The following RALGAPA1 variants were observed in gnomAD, a reference collection of about 807,000 sequenced individuals.
RALGAPA1 encodes the protein ral GTPase-activating protein subunit alpha-1.
In RALGAPA1, 52 loss-of-function variants were observed where a neutral mutation model predicts 269.6. The ratio of observed to expected loss-of-function variants is 0.19; its 90% CI spans 0.15 to 0.24. RALGAPA1 has a LOEUF of 0.24. Ranked by LOEUF, RALGAPA1 falls within the 10% of genes least tolerant of loss-of-function variation. The pLI, the probability that RALGAPA1 is intolerant of heterozygous loss-of-function variation, is 1.00. For missense variants in RALGAPA1, 1,917 were observed against 3,013.9 expected (o/e 0.64, Z 8.52); for synonymous variants, 817 against 1,008.3 (o/e 0.81, Z 3.60).
intron 35 of RALGAPA1, among the ~76,000 whole-genome samples, chr14:35,614,294 C>T (rs185010212): frequency 1.7e-3 from 264 of 152,194 alleles, no homozygotes; most frequent in African/African-American, 5.5e-3. Flanking sequence ...TATTCATATT[C>T]GCCCAAAAGT....
chr14:35,748,833 CAAA>C lies in RALGAPA1; in HGVS notation c.1012-12_1012-10del, dbSNP rs56861116. The C allele has an allele frequency of 1.4e-3, 1,845 of 1,292,078 alleles. No homozygotes were observed. The highest frequency in any genetic ancestry group is 5.7e-3 in the South Asian group (315 of 55,182). 80.0% of individuals were successfully genotyped at this position (1,292,078 alleles called of 1,614,324 possible). On this transcript the variant is annotated splice_polypyrimidine_tract_variant and intron_variant, in intron 9 of 41. Coordinates refer to ENST00000680220, the MANE Select transcript of RALGAPA1 (RefSeq NM_001346249.2). Reference sequence around the variant, plus strand: ...AAACTAGCAGCTGCTCTCTAAAATACAAAAAAAAAAAAAAAAGAGAGAAACAAT... The same window carrying C: ...AAACTAGCAGCTGCTCTCTAAAATACAAAAAAAAAAAAAGAGAGAAACAAT...
intron 26 of RALGAPA1, among the ~76,000 whole-genome samples, chr14:35,667,352 C>T (rs1160827926): frequency 1.3e-5 from 2 of 152,098 alleles, no homozygotes; most frequent in African/African-American, 2.4e-5. Flanking sequence ...GAGCTGAGAT[C>T]GTGCCACTGA....
Position 35,792,014 on chromosome 14 carries a change from T to A in RALGAPA1, c.107-16269A>T, listed in dbSNP as rs191704562. ...ATGTTATTACACTGCTTTGTTTTTT[T>A]ATATAATTCAACTACTTCAACACTT... On this transcript the variant is annotated intron_variant, in intron 1 of 41. Coordinates refer to ENST00000680220, the MANE Select transcript of RALGAPA1 (RefSeq NM_001346249.2). Among the ~76,000 whole-genome samples, 54 of 152,208 alleles carry A rather than the reference T, an allele frequency of 3.5e-4. No homozygotes were observed. The Middle Eastern group carries it at 0.021, about 58-fold the overall frequency.
intron 37 of RALGAPA1, among the ~76,000 whole-genome samples, chr14:35,590,994 G>C (rs1008166062): frequency 1.4e-4 from 21 of 152,176 alleles, no homozygotes; most frequent in Non-Finnish European, 2.8e-4. Context: ...AGAGGTAAAG[G>C]AGAAATGTTG....
chr14:35,672,718 C>G lies in RALGAPA1; in HGVS notation c.5073+149G>C, dbSNP rs1188154756. 2.3e-5 allele frequency: 16 copies of G among 707,512 alleles called. No individual in the cohort carries two copies. The East Asian group carries it at 5.9e-4, about 26-fold the overall frequency. 43.8% of individuals were successfully genotyped at this position (707,512 alleles called of 1,614,324 possible). On this transcript the variant is annotated intron_variant, in intron 25 of 41. Transcript: ENST00000680220. ...ACCATGTTTCAAGAACAAATAAGGT[C>G]ATAAAATTGAAGTAAATTGTATATA...
chr14:35,548,986 TTAAA>T (rs1409103854), intron 40 of RALGAPA1, 120 bp downstream of exon 40: 10 of 1,153,730 alleles, frequency 8.7e-6, no homozygotes, highest in Non-Finnish European at 1.2e-5. Context: ...AATTCAAATA[TTAAA>T]TAGTGATTAA....
At chr14:35,746,252 A>G (rs939157549) in intron 10 of RALGAPA1, among the ~76,000 whole-genome samples, 2 of 152,212 alleles carry the variant, frequency 1.3e-5, no homozygotes, top group Admixed American at 6.5e-5. Context: ...CTAAGGGCTG[A>G]GCAGCAGGCA....
chr14:35,667,572 T>C (rs2064049142), intron 26 of RALGAPA1, among the ~76,000 whole-genome samples: 1 of 152,120 alleles, frequency 6.6e-6, no homozygotes, highest in Non-Finnish European at 1.5e-5. Context: ...AGTAAGTAGG[T>C]CCAGGATGGG....
chr14:35,665,355 A>T (rs1288118584), intron 26 of RALGAPA1, among the ~76,000 whole-genome samples: 3 of 152,206 alleles, frequency 2.0e-5, no homozygotes, highest in Admixed American at 6.5e-5. Context: ...AAGTATCAAC[A>T]CTGAACATTT....
chr14:35,564,590 G>A (rs2056546907), intron 39 of RALGAPA1: 1 of 151,984 alleles, frequency 6.6e-6, no homozygotes. Context: ...ACCCAATTCT[G>A]GTATTTAAGA....
chr14:35,741,739 G>A (rs2141155351), intron 11 of RALGAPA1, among the ~76,000 whole-genome samples: 1 of 152,320 alleles, frequency 6.6e-6, no homozygotes. Context: ...TGCTGTTGGA[G>A]AGTCTGACCT....
At chr14:35,596,479 T>C (rs1359397882) in intron 36 of RALGAPA1, among the ~76,000 whole-genome samples, 1 of 152,094 alleles carries the variant, frequency 6.6e-6, no homozygotes, top group Admixed American at 6.6e-5. Context: ...ATCGCCAGTA[T>C]TTCCCTACTT....
At chr14:35,652,003 A>G (rs1252944105) in intron 30 of RALGAPA1, 130 bp from the exon 31 acceptor site, 1 of 570,004 alleles carries the variant, frequency 1.8e-6, no homozygotes, top group Admixed American at 3.7e-5. Context: ...ACACATTAAC[A>G]CTGTTATTTC....
At chr14:35,767,638 A>G (rs2074258564) in intron 4 of RALGAPA1, among the ~76,000 whole-genome samples, 1 of 152,312 alleles carries the variant, frequency 6.6e-6, no homozygotes, top group East Asian at 1.9e-4. Flanking sequence ...CAGTGAGCCA[A>G]GACAGCGTCA....
intron 36 of RALGAPA1, among the ~76,000 whole-genome samples, chr14:35,596,453 TA>T (rs1035265547): frequency 6.6e-6 from 1 of 150,974 alleles, no homozygotes; most frequent in Non-Finnish European, 1.5e-5. Context: ...TACAGGAGAA[TA>T]AAAAAAAATT....
intron 31 of RALGAPA1, among the ~76,000 whole-genome samples, chr14:35,647,640 G>A (rs1012949512): frequency 2.0e-5 from 3 of 152,180 alleles, no homozygotes; most frequent in African/African-American, 7.2e-5. Context: ...TCATCACACA[G>A]AGAGGAATGT....
chr14:35,656,675 A>G (rs1307987555), intron 28 of RALGAPA1, among the ~76,000 whole-genome samples: 1 of 152,230 alleles, frequency 6.6e-6, no homozygotes, highest in East Asian at 1.9e-4. Context: ...GTGGAATGCT[A>G]AACTTCAGAA....
At chr14:35,750,391 G>A (rs998367953) in intron 9 of RALGAPA1, 91 bp downstream of exon 9, 4 of 752,964 alleles carry the variant, frequency 5.3e-6, no homozygotes, top group Non-Finnish European at 2.2e-6. Flanking sequence ...TATTATTTAA[G>A]TGTACGCTCC....
At chr14:35,629,282 G>GGTGTGTGTGTGTGT (rs33989714) in intron 33 of RALGAPA1, among the ~76,000 whole-genome samples, 1 of 145,292 alleles carries the variant, frequency 6.9e-6, no homozygotes, top group South Asian at 2.3e-4. Flanking sequence ...ATGTTTAGGG[G>GGTGTGTGTGTGTGT]GTGTGTGTGT....
Sources: gnomAD v4.1 joint callset for allele counts (sites outside exome capture counted in the v4.1 genomes callset) on GRCh38, gnomAD v4.1.1 for gene constraint, MANE v1.5 for transcripts, NCBI Gene and HGNC (gene_info 2026-07-23, HGNC 2026-07-21) for gene names.